GRXCR2: variants seen among roughly 807,000 people sequenced by gnomAD.
GRXCR2 encodes glutaredoxin domain-containing cysteine-rich protein 2.
GRXCR2 carries 23 observed loss-of-function variants against 24.8 expected under a neutral mutation model. The observed-to-expected ratio is 0.93, with a 90% CI of 0.67 to 1.32. The LOEUF (loss-of-function observed/expected upper bound fraction) is 1.32. Among genes scored for constraint, GRXCR2 ranks in the 40% most tolerant of loss-of-function variants. GRXCR2 has a pLI of 0.00. For synonymous variants in GRXCR2, 130 were observed against 116.1 expected, an observed-to-expected ratio of 1.12 and a Z score of -0.77; for missense variants, 315 against 303.4, an observed-to-expected ratio of 1.04 and a Z score of -0.28.
intron 2 of GRXCR2, among the ~76,000 whole-genome samples, chr5:145,862,800 C>T (rs972799322): frequency 1.3e-5 from 2 of 152,184 alleles, no homozygotes; most frequent in Non-Finnish European, 2.9e-5. Context: ...TGGCAAGTTA[C>T]TTAACCTGAT....
At chr5:145,896,201 C>A (rs1756946023) in intron 2 of GRXCR2, among the ~76,000 whole-genome samples, 1 of 152,104 alleles carries the variant, frequency 6.6e-6, no homozygotes, top group Non-Finnish European at 1.5e-5. Flanking sequence ...CTAGGCATTA[C>A]CATTCAGGAC....
At chr5:145,914,880 G>A (rs1234628278) in intron 2 of GRXCR2, among the ~76,000 whole-genome samples, 3 of 152,064 alleles carry the variant, frequency 2.0e-5, no homozygotes, top group East Asian at 3.9e-4. Flanking sequence ...CAGGCCACCC[G>A]ACAATGGAGC....
intron 2 of GRXCR2, among the ~76,000 whole-genome samples, chr5:145,898,011 C>A (rs1756973862): frequency 6.6e-6 from 1 of 151,888 alleles, no homozygotes; most frequent in Admixed American, 6.6e-5. Flanking sequence ...TACAAAGAAT[C>A]AAGGAAACCA....
rs527695062 is a variant in GRXCR2 at position 145,886,792 on chromosome 5, A to T, written c.-69-20064T>A. Among the ~76,000 whole-genome samples the T allele has an allele frequency of 1.9e-4, 29 of 152,342 alleles. No individual in the cohort carries two copies. In the South Asian group the frequency reaches 5.2e-3, roughly 27 times the overall value. On this transcript the variant is annotated intron_variant, in intron 2 of 3. Coordinates refer to the GRXCR2 transcript ENST00000639411. ...GATGAAATTAATTTTATTAATATTT[A>T]CTTAATCCACTATATCCAAAATGTT...
intron 2 of GRXCR2, among the ~76,000 whole-genome samples, chr5:145,865,200 T>C (rs1489912267): frequency 6.6e-6 from 1 of 152,056 alleles, no homozygotes; most frequent in East Asian, 1.9e-4. Flanking sequence ...TCCCAGGAGA[T>C]TACAGTGAAT....
intron 2 of GRXCR2, among the ~76,000 whole-genome samples, chr5:145,905,193 A>G (rs1211978504): frequency 6.6e-6 from 1 of 152,218 alleles, no homozygotes; most frequent in Non-Finnish European, 1.5e-5. Context: ...TATAGAGTCA[A>G]TATTGGATCT....
chr5:145,871,832 G>C (rs535315970), intron 1 of GRXCR2, among the ~76,000 whole-genome samples: 62 of 152,182 alleles, frequency 4.1e-4, no homozygotes, highest in African/African-American at 1.4e-3. Flanking sequence ...TAATAACGTG[G>C]ATACATTATA....
At chr5:145,864,619 GCT>G (rs948554735) in intron 2 of GRXCR2, among the ~76,000 whole-genome samples, 5 of 151,536 alleles carry the variant, frequency 3.3e-5, no homozygotes, top group African/African-American at 7.3e-5. Context: ...ACTTTCTCAA[GCT>G]CTCTCTCTCT....
intron 2 of GRXCR2, among the ~76,000 whole-genome samples, chr5:145,879,898 A>G (rs1026876348): frequency 1.3e-5 from 2 of 152,236 alleles, no homozygotes; most frequent in Admixed American, 1.3e-4. Flanking sequence ...CTCACTCAAA[A>G]CCGCACAACT....
At chr5:145,883,285 C>T (rs75582235) in intron 2 of GRXCR2, among the ~76,000 whole-genome samples, 3,234 of 152,096 alleles carry the variant, frequency 0.021, 107 homozygotes, top group African/African-American at 0.073. Context: ...TTTATGCTTT[C>T]TCACATTTTT....
chr5:145,862,816 G>A (rs540217532), intron 2 of GRXCR2, among the ~76,000 whole-genome samples: 7 of 152,324 alleles, frequency 4.6e-5, no homozygotes, highest in African/African-American at 1.7e-4. Flanking sequence ...CTGATCCTCA[G>A]TTTCCCTAGC....
At chr5:145,897,152 A>T (rs1756962797) in intron 2 of GRXCR2, among the ~76,000 whole-genome samples, 1 of 148,672 alleles carries the variant, frequency 6.7e-6, no homozygotes, top group South Asian at 2.2e-4. Flanking sequence ...GGGGAGGGAC[A>T]GCATTAGGAG....
intron 2 of GRXCR2, among the ~76,000 whole-genome samples, chr5:145,917,941 A>C (rs573859985): frequency 1.3e-5 from 2 of 152,194 alleles, no homozygotes; most frequent in African/African-American, 4.8e-5. Flanking sequence ...CACCATGCAC[A>C]GCTAATTTTT....
chr5:145,892,057 C>G (rs1213049238), intron 2 of GRXCR2, among the ~76,000 whole-genome samples: 1 of 152,154 alleles, frequency 6.6e-6, no homozygotes, highest in African/African-American at 2.4e-5. Context: ...CTCCAACAGA[C>G]CTGCAGCTGA....
At chr5:145,918,688 A>C (rs2149927914) in intron 2 of GRXCR2, among the ~76,000 whole-genome samples, 1 of 152,252 alleles carries the variant, frequency 6.6e-6, no homozygotes, top group Admixed American at 6.5e-5. Context: ...CACCTGTGTA[A>C]CTGTAGTCCC....
chr5:145,888,379 C>G (rs1298575200), intron 2 of GRXCR2, among the ~76,000 whole-genome samples: 1 of 152,010 alleles, frequency 6.6e-6, no homozygotes, highest in African/African-American at 2.4e-5. Flanking sequence ...CACGGTGGAG[C>G]GTAGAAAAAT....
At chr5:145,889,093 G>A (rs1311213287) in intron 2 of GRXCR2, among the ~76,000 whole-genome samples, 1 of 151,796 alleles carries the variant, frequency 6.6e-6, no homozygotes, top group Non-Finnish European at 1.5e-5. Flanking sequence ...GGAAGCTGGA[G>A]GCAGAGGTTG....
chr5:145,873,072 A>G, upstream of GRXCR2: 7 of 874,162 alleles, frequency 8.0e-6, no homozygotes, highest in Non-Finnish European at 1.2e-5. Context: ...CATATAATTA[A>G]TTCAAGTTGT....
At chr5:145,920,899 G>T (rs906210418) in intron 2 of GRXCR2, among the ~76,000 whole-genome samples, 3 of 152,228 alleles carry the variant, frequency 2.0e-5, no homozygotes, top group Non-Finnish European at 4.4e-5. Context: ...TTCTCATCAT[G>T]TGAGGACACA....
Sources: gnomAD v4.1 joint callset for allele counts (sites outside exome capture counted in the v4.1 genomes callset) on GRCh38, gnomAD v4.1.1 for gene constraint, MANE v1.5 for transcripts, NCBI Gene and HGNC (gene_info 2026-07-23, HGNC 2026-07-21) for gene names.